SGCZ: variants seen among roughly 807,000 people sequenced by gnomAD.
SGCZ encodes the protein sarcoglycan zeta.
Under a neutral mutation model 41.3 loss-of-function variants are expected in SGCZ, and 40 were observed. The ratio of observed to expected loss-of-function variants is 0.97; its 90% CI spans 0.75 to 1.26. The LOEUF (loss-of-function observed/expected upper bound fraction) is 1.26, where lower values mean the gene tolerates loss of function less well. Among genes scored for constraint, SGCZ ranks in the 50% most tolerant of loss-of-function variants. The pLI, the probability that SGCZ is intolerant of heterozygous loss-of-function variation, is 0.00. For missense variants in SGCZ, 552 were observed against 369.8 expected (o/e 1.49, Z -4.04); for synonymous variants, 206 against 137.5 (o/e 1.50, Z -3.49).
chr8:14,232,290 A>T (rs1323654316), intron 4 of SGCZ, among the ~76,000 whole-genome samples: 1 of 152,044 alleles, frequency 6.6e-6, no homozygotes, highest in Non-Finnish European at 1.5e-5. Flanking sequence ...TTCTTGGACA[A>T]AGAAGGCAAG....
At chr8:14,275,728 G>A (rs957640254) in intron 3 of SGCZ, among the ~76,000 whole-genome samples, 2 of 152,110 alleles carry the variant, frequency 1.3e-5, no homozygotes, top group African/African-American at 4.8e-5. Context: ...CCAACTGCTG[G>A]AGATCCCTAC....
intron 1 of SGCZ, among the ~76,000 whole-genome samples, chr8:14,679,488 A>T (rs1808374410): frequency 7.0e-6 from 1 of 143,756 alleles, no homozygotes; most frequent in African/African-American, 2.5e-5. Flanking sequence ...TCAAAAAAGT[A>T]ATATATATAC....
At chr8:14,843,971 G>T (rs940614722) in intron 1 of SGCZ, among the ~76,000 whole-genome samples, 1 of 151,134 alleles carries the variant, frequency 6.6e-6, no homozygotes, top group Non-Finnish European at 1.5e-5. Context: ...GATATCATGG[G>T]GAAGCTATGT....
chr8:15,202,513 TG>T (rs1800920090), intron 1 of SGCZ, among the ~76,000 whole-genome samples: 2 of 151,552 alleles, frequency 1.3e-5, no homozygotes, highest in African/African-American at 4.9e-5. Flanking sequence ...GGTTGGGAGG[TG>T]GGTGAGGGAT....
At position 14,190,796 on chromosome 8, in the gene SGCZ, G is replaced by A. The variant is rs142745582; in HGVS notation, c.425-26094C>T. 8.9e-3 allele frequency among the ~76,000 whole-genome samples: 1,355 copies of A among 151,814 alleles called. 29 individuals carry two copies. Among genetic ancestry groups the A allele is most frequent in the African/African-American group, 0.03 (1,244 of 41,400 alleles). On this transcript the variant is annotated intron_variant, in intron 4 of 7. Coordinates refer to ENST00000382080, the MANE Select transcript of SGCZ (RefSeq NM_139167.4). Reference sequence around the variant, plus strand: ...TTTTTATATTTTTAGTAGAGACGGCGTTTCACTGTGTTAGCCAGGATGGTC... The same window carrying A: ...TTTTTATATTTTTAGTAGAGACGGCATTTCACTGTGTTAGCCAGGATGGTC...
At chr8:15,075,595 G>C (rs923870445) in intron 1 of SGCZ, among the ~76,000 whole-genome samples, 1 of 152,106 alleles carries the variant, frequency 6.6e-6, no homozygotes, top group African/African-American at 2.4e-5. Context: ...TGGTTAGGTG[G>C]AGAGCCTGGA....
In SGCZ at chr8:14,176,970, G is replaced by T. The variant is rs374372757; in HGVS notation, c.425-12268C>A. Among the ~76,000 whole-genome samples, 9 of 152,232 alleles carry T rather than the reference G, an allele frequency of 5.9e-5. No individual in the cohort carries two copies. The East Asian group carries it at 9.7e-4, about 16-fold the overall frequency. On this transcript the variant is annotated intron_variant, in intron 4 of 7. Coordinates refer to ENST00000382080, the MANE Select transcript of SGCZ (RefSeq NM_139167.4). Reference sequence around the variant, plus strand: ...ACTGGACTTGTCCAAGTCATTCTTTGGTCTCTGAGCTCCTTCCTACTTTGG... The same window carrying T: ...ACTGGACTTGTCCAAGTCATTCTTTTGTCTCTGAGCTCCTTCCTACTTTGG...
chr8:15,120,101 C>A (rs985211256), intron 1 of SGCZ, among the ~76,000 whole-genome samples: 1 of 152,238 alleles, frequency 6.6e-6, no homozygotes, highest in Non-Finnish European at 1.5e-5. Context: ...CCACCTCGGC[C>A]TTCCGAAGTG....
At chr8:14,445,495 A>C (rs147789302) in intron 2 of SGCZ, among the ~76,000 whole-genome samples, 1 of 152,182 alleles carries the variant, frequency 6.6e-6, no homozygotes, top group East Asian at 1.9e-4. Flanking sequence ...ACTGGACTTT[A>C]AGGAGAAGAT....
chr8:14,772,478 G>A (rs1218376595), intron 1 of SGCZ, among the ~76,000 whole-genome samples: 1 of 150,354 alleles, frequency 6.7e-6, no homozygotes, highest in South Asian at 2.1e-4. Flanking sequence ...TGCACGATGT[G>A]CAGGTTAGTT....
intron 3 of SGCZ, among the ~76,000 whole-genome samples, chr8:14,262,869 G>A (rs1469407715): frequency 6.8e-6 from 1 of 147,794 alleles, no homozygotes; most frequent in Non-Finnish European, 1.5e-5. Context: ...AAAGCAAAAT[G>A]TGAGAAGTAT....
chr8:14,633,111 C>T (rs1207494435), intron 1 of SGCZ, among the ~76,000 whole-genome samples: 1 of 151,972 alleles, frequency 6.6e-6, no homozygotes, highest in Non-Finnish European at 1.5e-5. Context: ...AAAGTGTTTA[C>T]AACATCATGA....
intron 1 of SGCZ, among the ~76,000 whole-genome samples, chr8:14,978,257 C>G (rs1801546035): frequency 6.6e-6 from 1 of 151,552 alleles, no homozygotes; most frequent in Admixed American, 6.6e-5. Context: ...CACCTGAGGT[C>G]AGGAGTTCAA....
chr8:14,634,194 A>G lies in SGCZ; in HGVS notation c.40-79268T>C, dbSNP rs116740512. Among the ~76,000 whole-genome samples the G allele has an allele frequency of 8.8e-3, 1,339 of 152,010 alleles. 18 individuals carry two copies. Among genetic ancestry groups the G allele is most frequent in the African/African-American group, 0.031 (1,268 of 41,540 alleles). On this transcript the variant is annotated intron_variant, in intron 1 of 7. Coordinates refer to ENST00000382080, the MANE Select transcript of SGCZ (RefSeq NM_139167.4). ...TATTCTCCACTTCCAATTTTTATCA[A>G]TTTGACACAGTCAGATTTTCATGAG...
At chr8:14,969,716 T>G (rs1801231550) in intron 1 of SGCZ, among the ~76,000 whole-genome samples, 1 of 152,090 alleles carries the variant, frequency 6.6e-6, no homozygotes, top group Admixed American at 6.6e-5. Flanking sequence ...CATATGTTAA[T>G]TGTTCACTCT....
chr8:14,087,096 A>G lies in SGCZ; in HGVS notation c.*3347T>C, dbSNP rs914364011. 2.0e-5 allele frequency among the ~76,000 whole-genome samples: 3 copies of G among 151,674 alleles called. No homozygotes were observed. The highest frequency in any genetic ancestry group is 4.8e-5 in the African/African-American group (2 of 41,392). On this transcript the variant is annotated 3_prime_UTR_variant, in exon 8 of 8. Transcript: ENST00000382080. ...CTGTAATCTAAGATTCCTAAGTTAC[A>G]GTAAAATTTGAGGTGTATAATTGTC...
chr8:14,212,544 G>C (rs1805853132), intron 4 of SGCZ, among the ~76,000 whole-genome samples: 1 of 149,384 alleles, frequency 6.7e-6, no homozygotes, highest in Non-Finnish European at 1.5e-5. Context: ...CCACAAAGTA[G>C]GCCATAGCCT....
At chr8:14,841,028 G>A (rs1473835276) in intron 1 of SGCZ, among the ~76,000 whole-genome samples, 3 of 151,900 alleles carry the variant, frequency 2.0e-5, no homozygotes, top group African/African-American at 7.3e-5. Flanking sequence ...TTATCAATGT[G>A]TAAACATTTT....
intron 1 of SGCZ, among the ~76,000 whole-genome samples, chr8:14,731,870 T>C (rs1810249500): frequency 6.6e-6 from 1 of 152,106 alleles, no homozygotes; most frequent in Non-Finnish European, 1.5e-5. Context: ...CTCCTTAAGC[T>C]CCCCACTCAA....
Sources: gnomAD v4.1 joint callset for allele counts (sites outside exome capture counted in the v4.1 genomes callset) on GRCh38, gnomAD v4.1.1 for gene constraint, MANE v1.5 for transcripts, NCBI Gene and HGNC (gene_info 2026-07-23, HGNC 2026-07-21) for gene names.